EYA4: variants seen among roughly 807,000 people sequenced by gnomAD.
EYA4 encodes protein phosphatase EYA4.
Under a neutral mutation model 87.9 loss-of-function variants are expected in EYA4, and 31 were observed. The observed-to-expected ratio is 0.35, with a 90% CI of 0.27 to 0.48. The LOEUF (loss-of-function observed/expected upper bound fraction) is 0.48. EYA4 is among the 20% of genes least tolerant of loss of function. The pLI is 0.99. For synonymous variants in EYA4, 263 were observed against 270.6 expected, an observed-to-expected ratio of 0.97 and a Z score of 0.28; for missense variants, 678 against 761.4, an observed-to-expected ratio of 0.89 and a Z score of 1.29.
chr6:133,509,960 T>C (rs1799000692), intron 14 of EYA4, among the ~76,000 whole-genome samples: 1 of 152,214 alleles, frequency 6.6e-6, no homozygotes, highest in Non-Finnish European at 1.5e-5. Context: ...TTTCTTTCAC[T>C]GGACCGTAAT....
chr6:133,400,520 G>T (rs1257792721), intron 3 of EYA4, among the ~76,000 whole-genome samples: 2 of 145,910 alleles, frequency 1.4e-5, no homozygotes, highest in African/African-American at 2.5e-5. Context: ...AAAAAAAAAA[G>T]AAAAAAAAAA....
intron 2 of EYA4, among the ~76,000 whole-genome samples, chr6:133,372,994 CTT>C (rs1480157115): frequency 1.3e-5 from 2 of 151,810 alleles, no homozygotes; most frequent in Non-Finnish European, 2.9e-5. Context: ...CACAGATAAA[CTT>C]TAACAAAACT....
At chr6:133,442,631 GT>G (rs1238484637) in intron 3 of EYA4, among the ~76,000 whole-genome samples, 7 of 152,014 alleles carry the variant, frequency 4.6e-5, no homozygotes, top group African/African-American at 7.2e-5. Context: ...GTGAATTAAA[GT>G]TTTTTCTTTC....
chr6:133,388,109 C>T (rs930017424), intron 3 of EYA4, among the ~76,000 whole-genome samples: 9 of 152,012 alleles, frequency 5.9e-5, no homozygotes, highest in Non-Finnish European at 1.0e-4. Flanking sequence ...ATAATTGCAG[C>T]TTTAAAAAAC....
intron 2 of EYA4, among the ~76,000 whole-genome samples, chr6:133,324,398 G>T (rs541850011): frequency 1.3e-5 from 2 of 152,198 alleles, no homozygotes; most frequent in Non-Finnish European, 2.9e-5. Context: ...GGTTTTGTTG[G>T]TTGTTTGTTT....
chr6:133,287,002 T>TA (rs1778118273), intron 2 of EYA4, among the ~76,000 whole-genome samples: 1 of 152,238 alleles, frequency 6.6e-6, no homozygotes, highest in Admixed American at 6.5e-5. Context: ...GTTGTGACAA[T>TA]AAAAAATGTC....
chr6:133,454,520 C>T (rs563275723), intron 5 of EYA4, among the ~76,000 whole-genome samples: 7 of 152,120 alleles, frequency 4.6e-5, no homozygotes, highest in East Asian at 1.9e-4. Context: ...TGACTGGGGA[C>T]GTTATTTAAC....
rs746014018 is a variant in EYA4, at chr6:133,525,175, G to A, written c.1760G>A (p.Arg587Gln). 8 of 1,613,734 alleles carry A rather than the reference G, an allele frequency of 5.0e-6. No homozygotes were observed. Among genetic ancestry groups the A allele is most frequent in the East Asian group, 2.2e-5 (1 of 44,872 alleles). The change falls in exon 19 of 20, where the codon CGA (arginine) becomes CAA (glutamine). Residue 587 changes from arginine (R) to glutamine (Q), a missense_variant. Arg to Gln is a conservative substitution (Grantham distance 43). Transcript: ENST00000355286. ...TKIGKESCFERIMQRFGRKVV... is the reference protein window; with the variant it reads ...TKIGKESCFEQIMQRFGRKVV... The stretch of plus-strand genomic sequence containing the variant: ...CCAGGAAAAGAAAGTTGCTTTGAAC[G>A]AATAATGCAAAGGTTTGGCAGAAAA...
chr6:133,392,206 C>T lies in EYA4; in HGVS notation c.83+9765C>T, dbSNP rs187059960. Among the ~76,000 whole-genome samples the T allele has an allele frequency of 2.2e-3, 342 of 152,260 alleles. 1 individual carries two copies. The highest frequency in any genetic ancestry group is 6.8e-3 in the Middle Eastern group (2 of 294). ...TATTCAAGGGACCCAGTCTTCTCTT[C>T]GGCTCTCAAATACCAATTCAAATGC... On this transcript the variant is annotated intron_variant, in intron 3 of 19. Transcript: ENST00000355286.
chr6:133,519,629 T>G (rs1005640596), intron 17 of EYA4, among the ~76,000 whole-genome samples: 7 of 151,184 alleles, frequency 4.6e-5, no homozygotes, highest in African/African-American at 1.7e-4. Context: ...GAGGGAATCC[T>G]CTCTAACTCA....
intron 17 of EYA4, 52 bp downstream of exon 17, chr6:133,515,487 A>G: frequency 9.4e-7 from 1 of 1,067,804 alleles, no homozygotes; most frequent in Non-Finnish European, 1.5e-6. Flanking sequence ...ATTTAGTTCT[A>G]ATTGTACAAC....
At chr6:133,309,302 G>C (rs1780038687) in intron 2 of EYA4, among the ~76,000 whole-genome samples, 1 of 152,034 alleles carries the variant, frequency 6.6e-6, no homozygotes, top group African/African-American at 2.4e-5. Context: ...AACTGCACTT[G>C]TTTTCAGGGA....
In EYA4 at chr6:133,287,361, G is replaced by GTATGGAC. The variant is rs1325089963; in HGVS notation, c.33+12549_33+12555dup. Among the ~76,000 whole-genome samples the GTATGGAC allele has an allele frequency of 7.9e-5, 12 of 152,324 alleles. No homozygotes were observed. In the East Asian group the frequency reaches 2.3e-3, roughly 29 times the overall value. On this transcript the variant is annotated intron_variant, in intron 2 of 19. Coordinates refer to ENST00000355286, the MANE Select transcript of EYA4 (RefSeq NM_004100.5). ...GGGTCTTGAAAGGCAGAATGAATTT[G>GTATGGAC]TATGGACAGAAGAGAACCTATCCTG...
intron 6 of EYA4, among the ~76,000 whole-genome samples, chr6:133,459,729 GTTCT>G (rs1261384184): frequency 6.6e-6 from 1 of 151,934 alleles, no homozygotes; most frequent in African/African-American, 2.4e-5. Flanking sequence ...AATTTAAAAC[GTTCT>G]TTAAGTTTTG....
At chr6:133,340,823 A>G (rs1782726175) in intron 2 of EYA4, among the ~76,000 whole-genome samples, 1 of 152,122 alleles carries the variant, frequency 6.6e-6, no homozygotes, top group South Asian at 2.1e-4. Context: ...CTGCTGATCT[A>G]ACTTTTCGAA....
At chr6:133,445,307 A>G (rs550145287) in intron 3 of EYA4, among the ~76,000 whole-genome samples, 1 of 152,332 alleles carries the variant, frequency 6.6e-6, no homozygotes, top group Non-Finnish European at 1.5e-5. Flanking sequence ...GCTGTCTTTC[A>G]TGAATTAAGA....
At chr6:133,426,863 A>G (rs1790716869) in intron 3 of EYA4, among the ~76,000 whole-genome samples, 2 of 152,276 alleles carry the variant, frequency 1.3e-5, no homozygotes, top group South Asian at 4.1e-4. Flanking sequence ...ATCTATATCT[A>G]TATCTATCTA....
chr6:133,266,996 A>C lies in EYA4; in HGVS notation c.-65-7720A>C, dbSNP rs187293767. Among the ~76,000 whole-genome samples the C allele has an allele frequency of 3.3e-4, 50 of 152,322 alleles. 1 individual carries two copies. Among genetic ancestry groups the C allele is most frequent in the African/African-American group, 1.2e-3 (50 of 41,584 alleles). On this transcript the variant is annotated intron_variant, in intron 1 of 19. Coordinates refer to ENST00000355286, the MANE Select transcript of EYA4 (RefSeq NM_004100.5). ...GTATTGTAGATAGGTAAATAAGACA[A>C]ACATTCCCTTCCCCTAAAGAGATTA...
chr6:133,387,645 T>TA (rs1786867092), intron 3 of EYA4, among the ~76,000 whole-genome samples: 1 of 152,182 alleles, frequency 6.6e-6, no homozygotes, highest in Non-Finnish European at 1.5e-5. Context: ...CTTTAATTAT[T>TA]AAAAAACACC....
Sources: gnomAD v4.1 joint callset for allele counts (sites outside exome capture counted in the v4.1 genomes callset) on GRCh38, gnomAD v4.1.1 for gene constraint, MANE v1.5 for transcripts, NCBI Gene and HGNC (gene_info 2026-07-23, HGNC 2026-07-21) for gene names.